Variants in TRMT9B observed in about 807,000 individuals in gnomAD.
TRMT9B encodes the protein tRNA methyltransferase 9B (putative).
A neutral mutation model predicts 11.5 loss-of-function variants in TRMT9B; 16 were observed. The observed-to-expected ratio is 1.39, with a 90% CI of 0.94 to 2.11. The LOEUF is 2.11. Ranked by LOEUF, TRMT9B falls within the 30% of genes most tolerant of loss-of-function variation. The probability of loss-of-function intolerance (pLI) is 0.00; values close to 1 mark genes in which losing one functional copy is unlikely to be tolerated. For missense variants in TRMT9B, 941 were observed against 553.8 expected (o/e 1.70, Z -7.02); for synonymous variants, 274 against 192.4 (o/e 1.42, Z -3.51).
At chr8:12,961,468 G>A (rs932796571) in intron 1 of TRMT9B, among the ~76,000 whole-genome samples, 1 of 151,922 alleles carries the variant, frequency 6.6e-6, no homozygotes, top group African/African-American at 2.4e-5. Flanking sequence ...TTGGGAGGCC[G>A]AGGTGGGCGG....
chr8:13,004,445 A>C (rs1810040848), intron 2 of TRMT9B, among the ~76,000 whole-genome samples: 3 of 151,490 alleles, frequency 2.0e-5, no homozygotes, highest in Admixed American at 2.0e-4. Context: ...AAGAATAAAG[A>C]GGATTTTGTC....
chr8:12,971,611 C>G (rs1347376355), intron 1 of TRMT9B, among the ~76,000 whole-genome samples: 1 of 151,956 alleles, frequency 6.6e-6, no homozygotes, highest in East Asian at 1.9e-4. Context: ...GATAACTTGC[C>G]CTAATCTGCA....
At chr8:12,983,315 T>A (rs1805719103) in intron 1 of TRMT9B, among the ~76,000 whole-genome samples, 1 of 138,250 alleles carries the variant, frequency 7.2e-6, no homozygotes, top group South Asian at 2.2e-4. Context: ...AAAGAGAGAG[T>A]TCCAAGACAA....
chr8:12,949,852 C>CTATT (rs201594870), intron 1 of TRMT9B, among the ~76,000 whole-genome samples: 1,673 of 152,050 alleles, frequency 0.011, 35 homozygotes, highest in African/African-American at 0.037. Context: ...CTAGTTAATT[C>CTATT]TATTTATTTA....
At chr8:13,010,469 T>C in intron 3 of TRMT9B, 1 of 985,104 alleles carries the variant, frequency 1.0e-6, no homozygotes, top group Non-Finnish European at 1.2e-6. Context: ...ATCAGCTGTT[T>C]GATGAATAGA....
intron 1 of TRMT9B, among the ~76,000 whole-genome samples, chr8:12,978,752 T>G (rs999366399): frequency 4.6e-5 from 7 of 152,170 alleles, no homozygotes; most frequent in African/African-American, 1.7e-4. Flanking sequence ...CACCACTGAG[T>G]CCAGGTTTTG....
At position 12,981,459 on chromosome 8, in the gene TRMT9B, C is replaced by G. The variant is rs543123667; in HGVS notation, c.-199-9375C>G. Among the ~76,000 whole-genome samples the G allele has an allele frequency of 5.2e-4, 79 of 152,252 alleles. No homozygotes were observed. The South Asian group carries it at 0.016, about 31-fold the overall frequency. On this transcript the variant is annotated intron_variant, in intron 1 of 4. Coordinates refer to ENST00000524591, the MANE Select transcript of TRMT9B (RefSeq NM_020844.3). ...GCTGGAGAGTGATACAATGGTGACA[C>G]AGAGGGTGACTTTTAGGACTTGAGT...
At chr8:12,984,199 A>G (rs1805880915) in intron 1 of TRMT9B, among the ~76,000 whole-genome samples, 1 of 152,202 alleles carries the variant, frequency 6.6e-6, no homozygotes, top group South Asian at 2.1e-4. Context: ...ACAACCATGA[A>G]TTTTGTGTTT....
Position 13,021,151 on chromosome 8 carries a change from G to A in TRMT9B, c.472G>A (p.Val158Ile). 3 of 1,613,916 alleles carry A rather than the reference G, an allele frequency of 1.9e-6. No homozygotes were observed. Among genetic ancestry groups the A allele is most frequent in the Non-Finnish European group, 2.5e-6 (3 of 1,179,834 alleles). The change falls in exon 5 of 5, where the codon GTT becomes ATT. Residue 158 changes from valine to isoleucine, a missense_variant. Transcript: ENST00000524591. ...NRHFEKQDVL[V>I]PWNRALCSQL... Reference sequence around the variant, plus strand: ...TCACTTTGAGAAGCAAGACGTGCTTGTTCCATGGAACAGGGCTCTGTGTTC... The same window carrying A: ...TCACTTTGAGAAGCAAGACGTGCTTATTCCATGGAACAGGGCTCTGTGTTC...
At chr8:12,988,615 T>A (rs1039394645) in intron 1 of TRMT9B, among the ~76,000 whole-genome samples, 3 of 151,856 alleles carry the variant, frequency 2.0e-5, no homozygotes, top group East Asian at 1.9e-4. Flanking sequence ...AGGGAAAAAA[T>A]TCCCTTATAA....
intron 1 of TRMT9B, among the ~76,000 whole-genome samples, chr8:12,969,043 C>T (rs4831853): frequency 0.06 from 9,174 of 152,224 alleles, 342 homozygotes; most frequent in African/African-American, 0.1. Flanking sequence ...GAAACCCCAT[C>T]TCTACTAATA....
chr8:12,992,835 C>T (rs915115706), intron 2 of TRMT9B, among the ~76,000 whole-genome samples: 3 of 152,112 alleles, frequency 2.0e-5, no homozygotes, highest in Non-Finnish European at 2.9e-5. Flanking sequence ...TGCCACTACA[C>T]TCCAGCCTAG....
At chr8:12,980,525 G>A (rs1000943627) in intron 1 of TRMT9B, among the ~76,000 whole-genome samples, 2 of 152,150 alleles carry the variant, frequency 1.3e-5, no homozygotes, top group Non-Finnish European at 2.9e-5. Flanking sequence ...TGTCTATGGT[G>A]AGAGGCAAGG....
intron 1 of TRMT9B, among the ~76,000 whole-genome samples, chr8:12,984,979 ACACACACACTCT>A (rs1183275271): frequency 0.049 from 7,136 of 144,308 alleles, 209 homozygotes; most frequent in South Asian, 0.093. Context: ...ACACACACAC[ACACACACACTCT>A]CTCTCTCACA....
intron 3 of TRMT9B, chr8:13,010,757 T>G (rs1298917983): frequency 1.0e-6 from 1 of 983,894 alleles, no homozygotes; most frequent in African/African-American, 1.8e-5. Flanking sequence ...AAAAAGCAAA[T>G]GAATTGCAAG....
chr8:13,028,569 C>CTTTTT lies in TRMT9B; in HGVS notation c.*6529_*6530insTTTTT. 1 of 108,674 alleles carries CTTTTT rather than the reference C, an allele frequency of 9.2e-6. No homozygotes were observed. The allele number at this position is 108,674 out of a possible 1,614,324, so 6.7% of individuals were successfully genotyped here. A position where few individuals can be genotyped will look rare whatever the true frequency, so the allele number is the denominator to read the frequency against. On this transcript the variant is annotated 3_prime_UTR_variant, in exon 5 of 5. Transcript: ENST00000524591. ...TAAGTGATAAGCACTTTTCTCTTTTCTTTTCTTTTTTTTTTTTTTTTTTTG... is the reference window on the plus strand; with the variant it reads ...TAAGTGATAAGCACTTTTCTCTTTTCTTTTTTTTTCTTTTTTTTTTTTTTTTTTTG...
intron 3 of TRMT9B, chr8:13,010,855 A>T: frequency 3.1e-6 from 3 of 980,478 alleles, no homozygotes; most frequent in Non-Finnish European, 3.6e-6. Flanking sequence ...TTTCCCCATG[A>T]TTGCCTTCAA....
chr8:13,009,377 T>C lies in TRMT9B; in HGVS notation c.154+3021T>C, dbSNP rs117344587. Among the ~76,000 whole-genome samples the C allele has an allele frequency of 4.2e-3, 641 of 151,404 alleles. 3 individuals carry two copies. The highest frequency in any genetic ancestry group is 7.2e-3 in the Non-Finnish European group (488 of 67,812). The stretch of plus-strand genomic sequence containing the variant: ...AACTATCAACAAGTCACAAGAAAAA[T>C]AGGGAAAGGATGTGAACAAATGGTT... On this transcript the variant is annotated intron_variant, in intron 3 of 4. Transcript: ENST00000524591.
Position 12,990,890 on chromosome 8 carries a change from T to C in TRMT9B, c.-143T>C, listed in dbSNP as rs780998954. 3.1e-6 allele frequency: 4 copies of C among 1,289,702 alleles called. No individual in the cohort carries two copies. The highest frequency in any genetic ancestry group is 2.1e-4 in the Middle Eastern group (1 of 4,690). 79.9% of individuals were successfully genotyped at this position (1,289,702 alleles called of 1,614,324 possible). ...AGGTTTATCATGAGAAGGACCGCAC[T>C]ATTTCATTTCACTCCTACAAGTTTT... On this transcript the variant is annotated 5_prime_UTR_variant, in exon 2 of 5. Coordinates refer to ENST00000524591, the MANE Select transcript of TRMT9B (RefSeq NM_020844.3).
Sources: allele counts gnomAD v4.1 joint callset (sites outside exome capture counted in the v4.1 genomes callset), GRCh38; gene constraint gnomAD v4.1.1; transcripts MANE v1.5; gene names NCBI Gene and HGNC (gene_info 2026-07-23, HGNC 2026-07-21).